The following CTNNA2 variants were observed in gnomAD, a reference collection of about 807,000 sequenced individuals.
The protein encoded by CTNNA2 is catenin alpha-2.
CTNNA2 carries 42 observed loss-of-function variants against 101.0 expected under a neutral mutation model. The observed-to-expected ratio is 0.42, with a 90% CI of 0.32 to 0.54. CTNNA2 has a LOEUF of 0.54. Among genes scored for constraint, CTNNA2 ranks in the 20% least tolerant of loss-of-function variants. The probability of loss-of-function intolerance (pLI) is 0.14; values close to 1 mark genes in which losing one functional copy is unlikely to be tolerated. For synonymous variants in CTNNA2, 450 were observed against 456.4 expected (o/e 0.99, Z 0.18); for missense variants, 871 against 1,223.1 (o/e 0.71, Z 4.29).
intron 3 of CTNNA2, among the ~76,000 whole-genome samples, chr2:79,840,689 C>T (rs1382724560): frequency 1.3e-5 from 2 of 151,946 alleles, no homozygotes; most frequent in Non-Finnish European, 1.5e-5. Context: ...TCCCAGTCCC[C>T]GGGGAGGCCA....
intron 7 of CTNNA2, among the ~76,000 whole-genome samples, chr2:80,198,438 C>T (rs531981277): frequency 6.6e-5 from 10 of 152,284 alleles, no homozygotes; most frequent in Admixed American, 5.2e-4. Context: ...AAGCTAAGCT[C>T]TCATAAAATA....
intron 4 of CTNNA2, among the ~76,000 whole-genome samples, chr2:79,864,916 T>C (rs1022255091): frequency 3.3e-5 from 5 of 152,114 alleles, no homozygotes; most frequent in African/African-American, 1.2e-4. Context: ...ACCATCAAAT[T>C]CAAAGAACTG....
intron 7 of CTNNA2, among the ~76,000 whole-genome samples, chr2:80,286,855 T>C (rs944023046): frequency 3.9e-5 from 6 of 152,332 alleles, no homozygotes; most frequent in Middle Eastern, 3.4e-3. Flanking sequence ...ACCCATTGTA[T>C]TGGTATGTAA....
At chr2:79,955,657 A>G (rs879572418) in intron 7 of CTNNA2, among the ~76,000 whole-genome samples, 1 of 152,202 alleles carries the variant, frequency 6.6e-6, no homozygotes, top group African/African-American at 2.4e-5. Flanking sequence ...AACCACAGGC[A>G]CATGCTACCA....
chr2:80,099,930 AT>A (rs997550776), intron 7 of CTNNA2, among the ~76,000 whole-genome samples: 2 of 151,398 alleles, frequency 1.3e-5, no homozygotes, highest in Non-Finnish European at 2.9e-5. Context: ...TTGAATCTTT[AT>A]TTTTTTTGTT....
At chr2:80,557,783 A>AT (rs1693174451) in intron 12 of CTNNA2, among the ~76,000 whole-genome samples, 1 of 152,162 alleles carries the variant, frequency 6.6e-6, no homozygotes, top group African/African-American at 2.4e-5. Context: ...TGCTTAGTTG[A>AT]TTGTAATATT....
intron 7 of CTNNA2, among the ~76,000 whole-genome samples, chr2:80,244,633 G>A: frequency 6.6e-6 from 1 of 152,326 alleles, no homozygotes; most frequent in East Asian, 1.9e-4. Context: ...TGTTAGGTTA[G>A]TGCAAAAGTA....
At chr2:80,639,513 A>ATATG (rs1553418423) in intron 18 of CTNNA2, among the ~76,000 whole-genome samples, 1 of 147,408 alleles carries the variant, frequency 6.8e-6, no homozygotes, top group South Asian at 2.2e-4. Context: ...CCCAGCCTTG[A>ATATG]TGTGTGTGTG....
chr2:79,355,574 C>T (rs1677490545), intron 3 of CTNNA2, among the ~76,000 whole-genome samples: 1 of 152,106 alleles, frequency 6.6e-6, no homozygotes, highest in Non-Finnish European at 1.5e-5. Context: ...CCAAAGGAGA[C>T]CCAGTACAGA....
chr2:80,087,396 G>A (rs1211387918), intron 7 of CTNNA2, among the ~76,000 whole-genome samples: 2 of 152,066 alleles, frequency 1.3e-5, no homozygotes, highest in Non-Finnish European at 2.9e-5. Context: ...TTAAGAAACT[G>A]AGGTCCAAGC....
At chr2:79,740,096 G>C (rs76313921) in intron 2 of CTNNA2, among the ~76,000 whole-genome samples, 1 of 151,996 alleles carries the variant, frequency 6.6e-6, no homozygotes, top group African/African-American at 2.4e-5. Context: ...TTGTGGTACA[G>C]ATTATTTTGT....
intron 7 of CTNNA2, among the ~76,000 whole-genome samples, chr2:80,144,872 A>G (rs1558849570): frequency 6.6e-6 from 1 of 152,114 alleles, no homozygotes; most frequent in African/African-American, 2.4e-5. Flanking sequence ...GGGGCTGAGT[A>G]ATTCTTTGTT....
intron 13 of CTNNA2, among the ~76,000 whole-genome samples, chr2:80,577,459 C>T (rs1301443131): frequency 6.6e-6 from 1 of 152,020 alleles, no homozygotes; most frequent in African/African-American, 2.4e-5. Context: ...GGAACTTGAC[C>T]TAGAGACCTA....
chr2:79,444,227 G>A (rs1678806855), intron 4 of CTNNA2, among the ~76,000 whole-genome samples: 1 of 152,064 alleles, frequency 6.6e-6, no homozygotes, highest in Non-Finnish European at 1.5e-5. Flanking sequence ...GCTATTTTAA[G>A]CAAGTAAATT....
chr2:79,959,535 G>A (rs1689488742), intron 7 of CTNNA2, among the ~76,000 whole-genome samples: 1 of 152,174 alleles, frequency 6.6e-6, no homozygotes, highest in Non-Finnish European at 1.5e-5. Context: ...TTGCCTCTAT[G>A]TGAAAATGCA....
chr2:79,191,376 G>A (rs17016486), intron 1 of CTNNA2, among the ~76,000 whole-genome samples: 7,871 of 152,166 alleles, frequency 0.052, 307 homozygotes, highest in East Asian at 0.14. Context: ...AGGGCAACAG[G>A]GATGAGACAA....
chr2:80,081,384 G>GA (rs1699133757), intron 7 of CTNNA2, among the ~76,000 whole-genome samples: 1 of 151,730 alleles, frequency 6.6e-6, no homozygotes, highest in Non-Finnish European at 1.5e-5. Context: ...ACATGGGGGG[G>GA]CTGTTTTCGT....
intron 7 of CTNNA2, among the ~76,000 whole-genome samples, chr2:80,033,169 AAC>A (rs1344527899): frequency 6.6e-6 from 1 of 150,906 alleles, no homozygotes; most frequent in Non-Finnish European, 1.5e-5. Flanking sequence ...AAAAAAAACA[AAC>A]ACACAAAAAC....
At chr2:79,946,553 A>C (rs1319399799) in intron 7 of CTNNA2, among the ~76,000 whole-genome samples, 1 of 152,196 alleles carries the variant, frequency 6.6e-6, no homozygotes, top group Non-Finnish European at 1.5e-5. Flanking sequence ...GTCCAATATT[A>C]AACACAGCAA....
Sources: gnomAD v4.1 joint callset for allele counts (sites outside exome capture counted in the v4.1 genomes callset) on GRCh38, gnomAD v4.1.1 for gene constraint, MANE v1.5 for transcripts, NCBI Gene and HGNC (gene_info 2026-07-23, HGNC 2026-07-21) for gene names.